The following SLC36A1 variants were observed in gnomAD, a reference collection of about 807,000 sequenced individuals.
SLC36A1 encodes the protein proton-coupled amino acid transporter 1.
SLC36A1 carries 30 observed loss-of-function variants against 47.5 expected under a neutral mutation model. The ratio of observed to expected loss-of-function variants is 0.63; its 90% confidence interval spans 0.47 to 0.86. The LOEUF (loss-of-function observed/expected upper bound fraction) is 0.86. Ranked by LOEUF, SLC36A1 falls within the 40% of genes least tolerant of loss-of-function variation. SLC36A1 has a pLI of 0.00. For missense variants in SLC36A1, 517 were observed against 606.0 expected, an observed-to-expected ratio of 0.85 and a Z score of 1.54; for synonymous variants, 255 against 249.7, an observed-to-expected ratio of 1.02 and a Z score of -0.20.
chr5:151,406,783 C>T, the SLC36A1 span, among the ~76,000 whole-genome samples: 1 of 152,144 alleles, frequency 6.6e-6, no homozygotes, highest in African/African-American at 2.4e-5. Flanking sequence ...GTGAGAGAGG[C>T]TCAGTTCTAG....
chr5:151,538,086 A>AACAGAG, the SLC36A1 span: 2 of 638,044 alleles, frequency 3.1e-6, no homozygotes, highest in Non-Finnish European at 5.2e-6. Flanking sequence ...CAGAAAAAAG[A>AACAGAG]ACAGAGACAG....
chr5:151,394,637 G>T, the SLC36A1 span, among the ~76,000 whole-genome samples: 4 of 152,352 alleles, frequency 2.6e-5, no homozygotes, highest in African/African-American at 9.6e-5. Flanking sequence ...ACCCTCATTT[G>T]CAGGTCTGTT....
chr5:151,369,188 A>G, the SLC36A1 span, among the ~76,000 whole-genome samples: 94 of 152,264 alleles, frequency 6.2e-4, no homozygotes, highest in Non-Finnish European at 1.2e-3. Flanking sequence ...CAGATGACCC[A>G]GTCTACAAAT....
At chr5:151,505,291 G>A in the SLC36A1 span, 3 of 514,776 alleles carry the variant, frequency 5.8e-6, no homozygotes, top group Non-Finnish European at 6.8e-6. Context: ...GCCCACCCCG[G>A]GAGTCAATTG....
chr5:151,540,451 C>T, the SLC36A1 span: 9 of 685,322 alleles, frequency 1.3e-5, no homozygotes, highest in East Asian at 2.5e-4. Flanking sequence ...GCCCCTCACT[C>T]TCTGTTCTCC....
At position 151,466,104 on chromosome 5, in the gene SLC36A1, G is replaced by C. The variant is rs73796592; in HGVS notation, c.419+935G>C. 3.5e-3 allele frequency among the ~76,000 whole-genome samples: 533 copies of C among 152,310 alleles called. 4 individuals are homozygous for C. Among genetic ancestry groups the C allele is most frequent in the African/African-American group, 0.011 (470 of 41,568 alleles). On this transcript the variant is annotated intron_variant, in intron 5 of 10. Transcript: ENST00000243389. ...TATTTTCTGTAACTGGGAGAAGCTA[G>C]ATTGCCAGGTGACCACCATGAGTTG...
At chr5:151,539,992 G>A in the SLC36A1 span, among the ~76,000 whole-genome samples, 1 of 152,280 alleles carries the variant, frequency 6.6e-6, no homozygotes, top group Non-Finnish European at 1.5e-5. Flanking sequence ...TGGGCATGGG[G>A]TGAGGGGTTT....
chr5:151,400,971 GTTGT>G, the SLC36A1 span, among the ~76,000 whole-genome samples: 1 of 152,230 alleles, frequency 6.6e-6, no homozygotes, highest in East Asian at 1.9e-4. Flanking sequence ...CATTCTGTAG[GTTGT>G]TTGTTTATCC....
chr5:151,479,640 G>T (rs1164147486), intron 10 of SLC36A1, 151 bp downstream of exon 10: 1 of 752,314 alleles, frequency 1.3e-6, no homozygotes, highest in African/African-American at 1.7e-5. Flanking sequence ...CAGAGTTGAG[G>T]CACCTCCAGA....
At chr5:151,548,352 TATC>T in the SLC36A1 span, among the ~76,000 whole-genome samples, 1 of 152,016 alleles carries the variant, frequency 6.6e-6, no homozygotes, top group African/African-American at 2.4e-5. Flanking sequence ...TATTACAAAT[TATC>T]ATTAATAATT....
the SLC36A1 span, among the ~76,000 whole-genome samples, chr5:151,421,217 CTCCCT>C: frequency 1.4e-5 from 2 of 146,774 alleles, no homozygotes; most frequent in East Asian, 2.1e-4. Context: ...TCCTTCCTTC[CTCCCT>C]TTCTTTCCTT....
At chr5:151,529,156 G>T in the SLC36A1 span, 1 of 1,609,736 alleles carries the variant, frequency 6.2e-7, no homozygotes, top group Non-Finnish European at 8.5e-7. Flanking sequence ...GTCCCACAAA[G>T]AGCAAGGTGG....
At chr5:151,463,748 T>G in intron 3 of SLC36A1, 105 bp downstream of exon 3, 1 of 878,994 alleles carries the variant, frequency 1.1e-6, no homozygotes, top group Non-Finnish European at 1.8e-6. Flanking sequence ...TAGAGAAGCA[T>G]TTTAAAAAAA....
the SLC36A1 span, chr5:151,510,157 G>T: frequency 6.2e-7 from 1 of 1,614,114 alleles, no homozygotes; most frequent in East Asian, 2.2e-5. Context: ...AACTGTGGGG[G>T]ACATTTGCAG....
intron 8 of SLC36A1, among the ~76,000 whole-genome samples, chr5:151,474,763 A>C (rs573761628): frequency 5.3e-5 from 8 of 152,198 alleles, no homozygotes; most frequent in African/African-American, 1.9e-4. Flanking sequence ...ACCTAATTTG[A>C]ATTTTATTTG....
the SLC36A1 span, among the ~76,000 whole-genome samples, chr5:151,353,814 A>G: frequency 2.4e-4 from 36 of 152,346 alleles, no homozygotes; most frequent in African/African-American, 7.7e-4. Context: ...AGAAACATAC[A>G]GACCGTAGCC....
At chr5:151,552,726 C>T in the SLC36A1 span, among the ~76,000 whole-genome samples, 26 of 152,256 alleles carry the variant, frequency 1.7e-4, no homozygotes, top group African/African-American at 6.0e-4. Flanking sequence ...CCAAGTGCCT[C>T]GTAGAATGAG....
chr5:151,460,562 G>A (rs1755363140), intron 2 of SLC36A1, among the ~76,000 whole-genome samples: 1 of 152,066 alleles, frequency 6.6e-6, no homozygotes, highest in Admixed American at 6.6e-5. Flanking sequence ...AAGCCTATCT[G>A]TAGTTGATGG....
chr5:151,467,941 C>T lies in SLC36A1; in HGVS notation c.723+16C>T. 6.2e-7 allele frequency: 1 copy of T among 1,605,732 alleles called. No homozygotes were observed. Among genetic ancestry groups the T allele is most frequent in the Non-Finnish European group, 8.5e-7 (1 of 1,173,182 alleles). ...CATTGTTCAGGTACATGCCTAGGCC[C>T]TCTCCTATCATCTTGGTTCAATATT... On this transcript the variant is annotated intron_variant, in intron 7 of 10. Coordinates refer to ENST00000243389, the MANE Select transcript of SLC36A1 (RefSeq NM_078483.4).
Sources: allele counts gnomAD v4.1 joint callset (sites outside exome capture counted in the v4.1 genomes callset), GRCh38; gene constraint gnomAD v4.1.1; transcripts MANE v1.5; gene names NCBI Gene and HGNC (gene_info 2026-07-23, HGNC 2026-07-21).